The following ARFGEF1 variants were observed in gnomAD, a reference collection of about 807,000 sequenced individuals.
ARFGEF1 encodes brefeldin A-inhibited guanine nucleotide-exchange protein 1.
Under a neutral mutation model 231.0 loss-of-function variants are expected in ARFGEF1, and 42 were observed. The ratio of observed to expected loss-of-function variants is 0.18; its 90% CI spans 0.14 to 0.24. ARFGEF1 has a LOEUF of 0.24. Among genes scored for constraint, ARFGEF1 ranks in the 10% least tolerant of loss-of-function variants. ARFGEF1 has a pLI of 1.00. For synonymous variants in ARFGEF1, 710 were observed against 732.3 expected, an observed-to-expected ratio of 0.97 and a Z score of 0.49; for missense variants, 1,345 against 2,192.0, an observed-to-expected ratio of 0.61 and a Z score of 7.72.
intron 1 of ARFGEF1, among the ~76,000 whole-genome samples, chr8:67,324,781 G>A (rs1303460590): frequency 6.6e-6 from 1 of 152,090 alleles, no homozygotes; most frequent in Non-Finnish European, 1.5e-5. Flanking sequence ...ATAAATGTTT[G>A]TTAAATAAAA....
At chr8:67,192,229 C>G (rs1836529067) in intron 5 of ARFGEF1, among the ~76,000 whole-genome samples, 1 of 152,060 alleles carries the variant, frequency 6.6e-6, no homozygotes, top group Non-Finnish European at 1.5e-5. Flanking sequence ...TGCATGCCAA[C>G]ACGCCTGGCT....
intron 7 of ARFGEF1, among the ~76,000 whole-genome samples, chr8:67,279,720 A>G (rs981268221): frequency 3.3e-5 from 5 of 152,238 alleles, no homozygotes; most frequent in African/African-American, 1.2e-4. Context: ...CAAAAGGAAT[A>G]ATCACTCATT....
intron 1 of ARFGEF1, among the ~76,000 whole-genome samples, chr8:67,334,293 A>C (rs547673088): frequency 6.6e-6 from 1 of 152,036 alleles, no homozygotes; most frequent in Non-Finnish European, 1.5e-5. Context: ...CCAAAAAAAA[A>C]AAAAAAAACA....
At chr8:67,219,282 A>G (rs1221615637) in intron 30 of ARFGEF1, 149 bp downstream of exon 30, 1 of 883,416 alleles carries the variant, frequency 1.1e-6, no homozygotes, top group Admixed American at 3.7e-5. Flanking sequence ...TCTTATTTAT[A>G]AAGACATAGT....
At chr8:67,310,521 C>A (rs187215652) in intron 1 of ARFGEF1, among the ~76,000 whole-genome samples, 1 of 152,344 alleles carries the variant, frequency 6.6e-6, no homozygotes, top group African/African-American at 2.4e-5. Context: ...GCCACCACCC[C>A]ATCTGGGAAG....
chr8:67,215,378 T>C (rs1274475034), intron 33 of ARFGEF1, among the ~76,000 whole-genome samples: 2 of 152,170 alleles, frequency 1.3e-5, no homozygotes, highest in East Asian at 1.9e-4. Context: ...GGGTAGACCA[T>C]AGTGGCATGA....
At chr8:67,189,411 A>G (rs1310140410) in intron 5 of ARFGEF1, among the ~76,000 whole-genome samples, 1 of 152,220 alleles carries the variant, frequency 6.6e-6, no homozygotes, top group Non-Finnish European at 1.5e-5. Context: ...CATCCAGACA[A>G]TGCAATATTT....
At chr8:67,186,640 C>T (rs1834691181) in intron 5 of ARFGEF1, among the ~76,000 whole-genome samples, 1 of 152,142 alleles carries the variant, frequency 6.6e-6, no homozygotes, top group African/African-American at 2.4e-5. Context: ...TTTCTCACCA[C>T]TGATTAACAT....
At chr8:67,188,152 T>C (rs1835199989) in intron 5 of ARFGEF1, among the ~76,000 whole-genome samples, 1 of 152,228 alleles carries the variant, frequency 6.6e-6, no homozygotes, top group Non-Finnish European at 1.5e-5. Context: ...AAAGGACTGT[T>C]ATCCAAAATA....
At chr8:67,342,597 A>C (rs1334375218) in intron 1 of ARFGEF1, among the ~76,000 whole-genome samples, 1 of 151,754 alleles carries the variant, frequency 6.6e-6, no homozygotes, top group Non-Finnish European at 1.5e-5. Context: ...ATATTACTCT[A>C]TGTTTTTCCT....
chr8:67,258,168 T>C lies in ARFGEF1; in HGVS notation c.2358A>G (p.Glu786=), dbSNP rs1258399720. 3 of 1,613,950 alleles carry C rather than the reference T, an allele frequency of 1.9e-6. No individual in the cohort carries two copies. The highest frequency in any genetic ancestry group is 2.5e-6 in the Non-Finnish European group (3 of 1,179,860). The part of the protein sequence containing the change: ...DFVSALRMFL[E]GFRLPGEAQK... ...GAGCTTCCCCTGGAAGACGAAATCC[T>C]TCTAGAAACATACGAAGGGCTGAAA... The change falls in exon 16 of 39, where the codon GAA becomes GAG. Residue 786 remains glutamate (E), a synonymous_variant. Coordinates refer to ENST00000262215, the MANE Select transcript of ARFGEF1 (RefSeq NM_006421.5).
At position 67,309,348 on chromosome 8, in the gene ARFGEF1, T is replaced by C. The variant is rs925243468; in HGVS notation, c.125-6882A>G. Among the ~76,000 whole-genome samples, 7 of 152,360 alleles carry C rather than the reference T, an allele frequency of 4.6e-5. No individual in the cohort carries two copies. The South Asian group carries it at 6.2e-4, about 14-fold the overall frequency. ...GAATAAGCTTTAGTGATCTGTTACA[T>C]AGAACAGGGACATTTTTCATTCTTC... On this transcript the variant is annotated intron_variant, in intron 1 of 38. Transcript: ENST00000262215.
chr8:67,240,256 A>G lies in ARFGEF1; in HGVS notation c.2885T>C (p.Val962Ala). ...AGTATCATCACAATCTTGTAGACCC[A>G]CACTGAATGCAGCCAGAAAAGGCGT... ...AWTPFLAAFS[V>A]GLQDCDDTEV... The change falls in exon 20 of 39, where the codon GTG (valine) becomes GCG (alanine). Residue 962 changes from valine (V) to alanine (A), a missense_variant. By Grantham distance (64) the Val-to-Ala change is moderately conservative (BLOSUM62 0). Coordinates refer to ENST00000262215, the MANE Select transcript of ARFGEF1 (RefSeq NM_006421.5). 1 of 1,609,386 alleles carries G rather than the reference A, an allele frequency of 6.2e-7. No individual in the cohort carries two copies. Among genetic ancestry groups the G allele is most frequent in the Non-Finnish European group, 8.5e-7 (1 of 1,178,858 alleles).
chr8:67,187,705 C>CA (rs1218083098), intron 5 of ARFGEF1, among the ~76,000 whole-genome samples: 2 of 152,086 alleles, frequency 1.3e-5, no homozygotes. Context: ...GAAATAGACT[C>CA]ACGCAAATAC....
intron 23 of ARFGEF1, 113 bp downstream of exon 23, chr8:67,232,742 A>T: frequency 1.2e-6 from 1 of 814,372 alleles, no homozygotes; most frequent in Non-Finnish European, 1.9e-6. Context: ...ATATAATTTT[A>T]TATTACTTTA....
chr8:67,296,125 A>G (rs1393648290), intron 5 of ARFGEF1, among the ~76,000 whole-genome samples: 1 of 152,140 alleles, frequency 6.6e-6, no homozygotes, highest in Non-Finnish European at 1.5e-5. Flanking sequence ...TAGCTACATT[A>G]CACTCTACTA....
chr8:67,278,822 A>G (rs144742925), intron 7 of ARFGEF1, among the ~76,000 whole-genome samples: 56 of 152,370 alleles, frequency 3.7e-4, no homozygotes, highest in African/African-American at 1.2e-3. Flanking sequence ...ATTAATAAGT[A>G]TAACATGAAA....
chr8:67,208,654 A>C (rs997467247), intron 34 of ARFGEF1, among the ~76,000 whole-genome samples: 1 of 150,588 alleles, frequency 6.6e-6, no homozygotes. Context: ...AAAAACCAAC[A>C]AAAAAAACAC....
chr8:67,305,717 T>C (rs543037383), intron 1 of ARFGEF1, among the ~76,000 whole-genome samples: 2 of 152,348 alleles, frequency 1.3e-5, no homozygotes, highest in African/African-American at 2.4e-5. Context: ...TTGTAATAAC[T>C]GGTGCAAATG....
Sources: gnomAD v4.1 joint callset for allele counts (sites outside exome capture counted in the v4.1 genomes callset) on GRCh38, gnomAD v4.1.1 for gene constraint, MANE v1.5 for transcripts, NCBI Gene and HGNC (gene_info 2026-07-23, HGNC 2026-07-21) for gene names.